Variants in GLYATL2 observed in about 807,000 individuals in gnomAD.
GLYATL2 encodes glycine-N-acyltransferase like 2.
GLYATL2 carries 25 observed loss-of-function variants against 21.4 expected under a neutral mutation model. That is an observed-to-expected ratio of 1.17 (90% CI 0.85 to 1.63). The LOEUF (loss-of-function observed/expected upper bound fraction) is 1.63. Ranked by LOEUF, GLYATL2 falls within the 40% of genes most tolerant of loss-of-function variation. GLYATL2 has a pLI of 0.00. For missense variants in GLYATL2, 361 were observed against 343.3 expected (o/e 1.05, Z -0.41); for synonymous variants, 114 against 118.2 (o/e 0.96, Z 0.23).
At chr11:58,884,721 G>T (rs1854405320) in intron 1 of GLYATL2, among the ~76,000 whole-genome samples, 1 of 152,154 alleles carries the variant, frequency 6.6e-6, no homozygotes. Context: ...TTCAAAATCT[G>T]ACTGACATTT....
intron 1 of GLYATL2, among the ~76,000 whole-genome samples, chr11:58,876,093 G>A (rs1027256277): frequency 6.6e-6 from 1 of 152,080 alleles, no homozygotes; most frequent in African/African-American, 2.4e-5. Flanking sequence ...GGTTACTGAG[G>A]CTTGTGCATT....
chr11:58,853,859 T>G (rs1400059833), intron 1 of GLYATL2, among the ~76,000 whole-genome samples: 1 of 152,176 alleles, frequency 6.6e-6, no homozygotes, highest in African/African-American at 2.4e-5. Context: ...TTTCATAAAA[T>G]AGTATATTTA....
chr11:58,907,797 A>G (rs1370133062), upstream of GLYATL2: 2 of 181,716 alleles, frequency 1.1e-5, no homozygotes, highest in East Asian at 2.8e-4. Context: ...CATGGAAACC[A>G]TTTCATACTT....
At chr11:58,886,924 T>C (rs991408335) in intron 1 of GLYATL2, among the ~76,000 whole-genome samples, 8 of 152,200 alleles carry the variant, frequency 5.3e-5, no homozygotes, top group African/African-American at 1.9e-4. Context: ...GTAAAGGGGA[T>C]GGGAACCAGG....
chr11:58,900,590 C>G (rs191398467), intron 1 of GLYATL2, among the ~76,000 whole-genome samples: 1 of 152,100 alleles, frequency 6.6e-6, no homozygotes, highest in Non-Finnish European at 1.5e-5. Flanking sequence ...AAAAACCCAG[C>G]GTGACGGGGG....
rs1590709684 is a variant in GLYATL2 at position 58,834,443 on chromosome 11, T to G, written c.871A>C (p.Lys291Gln). The change falls in exon 6 of 6, where the codon AAG (lysine) becomes CAG (glutamine). Residue 291 changes from lysine (K) to glutamine (Q), a missense_variant. Lys to Gln is a moderately conservative substitution (Grantham distance 53). Transcript: ENST00000287275. The stretch of plus-strand genomic sequence containing the variant: ...AGTGGAATCAATCAACAATATTTCT[T>G]GGGGGTGCATTTCCACTGATGCCAG... ...CGWHQWKCTP[K>Q]KYC 6.3e-7 allele frequency: 1 copy of G among 1,588,498 alleles called. No individual in the cohort carries two copies. Among genetic ancestry groups the G allele is most frequent in the South Asian group, 1.2e-5 (1 of 86,868 alleles).
At chr11:58,847,193 T>G (rs1943288), upstream of GLYATL2, among the ~76,000 whole-genome samples, 134,593 of 151,800 alleles carry the variant, frequency 0.89, 60,844 homozygotes, top group Non-Finnish European at 0.98. Flanking sequence ...GCAGTACCCA[T>G]GTACTATTAG....
chr11:58,895,307 T>C (rs1198926950), intron 1 of GLYATL2, among the ~76,000 whole-genome samples: 1 of 152,188 alleles, frequency 6.6e-6, no homozygotes, highest in Non-Finnish European at 1.5e-5. Flanking sequence ...TACAAATGAA[T>C]GGGGTAATTT....
intron 1 of GLYATL2, among the ~76,000 whole-genome samples, chr11:58,898,297 T>A (rs1444457701): frequency 6.6e-6 from 1 of 152,182 alleles, no homozygotes; most frequent in African/African-American, 2.4e-5. Flanking sequence ...TTCATCCCCC[T>A]GAGACCAATC....
rs114928556 is a variant in GLYATL2, at chr11:58,869,295, T to C, written n.61-30927A>G. On this transcript the variant is annotated intron_variant and non_coding_transcript_variant, in intron 1 of 4. Transcript: ENST00000533636. ...ATAGTTTGGAATCTGGAGTTTGCTG[T>C]TGAGTGGGAAAGTGGGTTTTTGTGC... Among the ~76,000 whole-genome samples the C allele has an allele frequency of 5.1e-3, 772 of 152,300 alleles. 5 individuals carry two copies. Among genetic ancestry groups the C allele is most frequent in the African/African-American group, 0.018 (736 of 41,566 alleles).
chr11:58,879,198 A>G (rs565159596), intron 1 of GLYATL2, among the ~76,000 whole-genome samples: 1 of 151,764 alleles, frequency 6.6e-6, no homozygotes, highest in South Asian at 2.1e-4. Flanking sequence ...TCAATCTTGC[A>G]TAAAAATAAA....
rs1212093524 is a variant in GLYATL2 at position 58,844,642 on chromosome 11, GC to G, written c.-250del. On this transcript the variant is annotated 5_prime_UTR_variant, in exon 1 of 6. It introduces an in-frame stop codon into an upstream open reading frame of the 5' UTR. Transcript: ENST00000287275. Reference sequence around the variant, plus strand: ...TCTGTCCATAGACAAGAAATCACAGGCTTTGTAGACCAGAGGAGGACTGAGA... The same window carrying G: ...TCTGTCCATAGACAAGAAATCACAGGTTTGTAGACCAGAGGAGGACTGAGA... 1 of 152,314 alleles carries G rather than the reference GC, an allele frequency of 6.6e-6. No individual in the cohort carries two copies. The highest frequency in any genetic ancestry group is 1.5e-5 in the Non-Finnish European group (1 of 68,034). The allele number at this position is 152,314 out of a possible 1,614,324, so 9.4% of individuals were successfully genotyped here. A position where few individuals can be genotyped will look rare whatever the true frequency, so the allele number is the denominator to read the frequency against.
chr11:58,857,310 C>T (rs2856258), intron 1 of GLYATL2, among the ~76,000 whole-genome samples: 1 of 152,100 alleles, frequency 6.6e-6, no homozygotes, highest in Non-Finnish European at 1.5e-5. Flanking sequence ...ATTTTTATGT[C>T]TTCTTTTGAG....
At chr11:58,870,788 C>T (rs943434323) in intron 1 of GLYATL2, among the ~76,000 whole-genome samples, 2 of 152,210 alleles carry the variant, frequency 1.3e-5, no homozygotes, top group African/African-American at 4.8e-5. Flanking sequence ...TGTGTTGCAG[C>T]AAACCTGCCC....
chr11:58,903,970 C>A (rs1369445463), intron 1 of GLYATL2, among the ~76,000 whole-genome samples: 1 of 152,206 alleles, frequency 6.6e-6, no homozygotes, highest in Non-Finnish European at 1.5e-5. Context: ...CATCTCCTTC[C>A]TCAGACTTCC....
At chr11:58,863,725 C>A (rs1187160047) in intron 1 of GLYATL2, among the ~76,000 whole-genome samples, 2 of 151,916 alleles carry the variant, frequency 1.3e-5, no homozygotes, top group African/African-American at 4.8e-5. Context: ...GAACCTAGGT[C>A]TTCAGGGCTG....
chr11:58,837,381 T>C lies in GLYATL2; in HGVS notation c.203A>G (p.Gln68Arg). The change falls in exon 4 of 6, where the codon CAG becomes CGG. Residue 68 changes from glutamine to arginine, a missense_variant. Gln to Arg is a conservative substitution (Grantham distance 43). Transcript: ENST00000287275. ...GTGGTAAGTGTTGGTATAATGATCC[T>C]GGTCATCTTTCATCTCCTGATATAA... ...RPQKQEMKDDQDHYTNTYHIF... is the reference protein window; with the variant it reads ...RPQKQEMKDDRDHYTNTYHIF... 6.2e-7 allele frequency: 1 copy of C among 1,613,146 alleles called. No homozygotes were observed. The highest frequency in any genetic ancestry group is 8.5e-7 in the Non-Finnish European group (1 of 1,179,222).
chr11:58,859,290 G>T (rs765587944), intron 1 of GLYATL2, among the ~76,000 whole-genome samples: 2 of 150,876 alleles, frequency 1.3e-5, no homozygotes, highest in Non-Finnish European at 2.9e-5. Context: ...GGAATACCTG[G>T]ATTCCCCACT....
intron 1 of GLYATL2, among the ~76,000 whole-genome samples, chr11:58,899,000 G>A (rs772213946): frequency 1.8e-4 from 27 of 151,874 alleles, no homozygotes; most frequent in Non-Finnish European, 3.7e-4. Flanking sequence ...TACACTCAGG[G>A]GACTGATGCC....
Sources: gnomAD v4.1 joint callset for allele counts (sites outside exome capture counted in the v4.1 genomes callset) on GRCh38, gnomAD v4.1.1 for gene constraint, MANE v1.5 for transcripts, NCBI Gene and HGNC (gene_info 2026-07-23, HGNC 2026-07-21) for gene names.